PADI2: variants seen among roughly 807,000 people sequenced by gnomAD.
The protein encoded by PADI2 is protein-arginine deiminase type-2.
Under a neutral mutation model 81.1 loss-of-function variants are expected in PADI2, and 70 were observed. The observed-to-expected ratio is 0.86, with a 90% CI of 0.71 to 1.05. PADI2 has a LOEUF of 1.05. Ranked by LOEUF, PADI2 falls within the 50% of genes least tolerant of loss-of-function variation. The pLI, the probability that PADI2 is intolerant of heterozygous loss-of-function variation, is 0.00. For synonymous variants in PADI2, 338 were observed against 358.0 expected (o/e 0.94, Z 0.63); for missense variants, 853 against 889.9 (o/e 0.96, Z 0.53).
rs569395943 is a variant in PADI2 at position 17,114,708 on chromosome 1, T to C, written c.92+4572A>G. On this transcript the variant is annotated intron_variant, in intron 1 of 15. Transcript: ENST00000375486. ...GGACTCAGGGTAGGGCACCACGACA[T>C]GGGGTAGTCAAAGAAAGCTTCCTGG... Among the ~76,000 whole-genome samples, 8 of 150,742 alleles carry C rather than the reference T, an allele frequency of 5.3e-5. No individual in the cohort carries two copies. In the South Asian group the frequency reaches 1.7e-3, roughly 31 times the overall value.
At position 17,069,191 on chromosome 1, in the gene PADI2, G is replaced by A. The variant is rs372165759; in HGVS notation, c.1851C>T (p.His617=). The change falls in exon 16 of 16, where the codon CAC becomes CAT. Residue 617 remains histidine, a synonymous_variant. Transcript: ENST00000375486. ...CCAGGGGCTCCAGGAGGCCACGCACGTGCATCTCCAGGCAGCATTCCTCCT... is the reference window on the plus strand; with the variant it reads ...CCAGGGGCTCCAGGAGGCCACGCACATGCATCTCCAGGCAGCATTCCTCCT... ...QVEEECCLEM[H]VRGLLEPLGL... 114 of 1,614,218 alleles carry A rather than the reference G, an allele frequency of 7.1e-5. 1 individual carries two copies. The African/African-American group carries it at 1.1e-3, about 15-fold the overall frequency.
At chr1:17,104,246 CAT>C (rs2101604973) in intron 2 of PADI2, among the ~76,000 whole-genome samples, 1 of 151,244 alleles carries the variant, frequency 6.6e-6, no homozygotes, top group Non-Finnish European at 1.5e-5. Flanking sequence ...GCCGAGATCG[CAT>C]CACTGCACTC....
chr1:17,086,780 A>C lies in PADI2; in HGVS notation c.656-81T>G, dbSNP rs889899155. On this transcript the variant is annotated intron_variant, in intron 6 of 15. Coordinates refer to ENST00000375486, the MANE Select transcript of PADI2 (RefSeq NM_007365.3). ...GGGTGGGATCACCGATGGGGACAAA[A>C]GGGCAAAGTAACTTGTCCTCTAGAC... 6 of 1,190,044 alleles carry C rather than the reference A, an allele frequency of 5.0e-6. No individual in the cohort carries two copies. The African/African-American group carries it at 9.1e-5, about 18-fold the overall frequency. The allele number at this position is 1,190,044 out of a possible 1,614,324, so 73.7% of individuals were successfully genotyped here.
intron 9 of PADI2, 47 bp from the exon 10 acceptor site, chr1:17,082,699 T>G: frequency 1.7e-6 from 2 of 1,153,824 alleles, no homozygotes; most frequent in Non-Finnish European, 1.3e-6. Flanking sequence ...AGGGGACAAT[T>G]TGTGCACATG....
chr1:17,069,289 G>C lies in PADI2; in HGVS notation c.1765-12C>G. On this transcript the variant is annotated splice_polypyrimidine_tract_variant and intron_variant, in intron 15 of 15. Transcript: ENST00000375486. ...ACGATCATGTTCACCTGTGACGGGGGATTGCGATGGCAACAGCTTCCATTT... is the reference window on the plus strand; with the variant it reads ...ACGATCATGTTCACCTGTGACGGGGCATTGCGATGGCAACAGCTTCCATTT... 1.2e-6 allele frequency: 2 copies of C among 1,602,350 alleles called. No individual in the cohort carries two copies. The highest frequency in any genetic ancestry group is 1.7e-6 in the Non-Finnish European group (2 of 1,169,300).
chr1:17,109,410 A>G (rs911783093), intron 1 of PADI2, among the ~76,000 whole-genome samples: 1 of 150,386 alleles, frequency 6.6e-6, no homozygotes, highest in African/African-American at 2.4e-5. Context: ...AAAAAAAAAA[A>G]AAAAAAGCTT....
chr1:17,086,267 T>G (rs184570806), intron 7 of PADI2, among the ~76,000 whole-genome samples: 32 of 151,866 alleles, frequency 2.1e-4, no homozygotes, highest in Non-Finnish European at 2.9e-5. Context: ...AGGCGTGGAG[T>G]GTGTCAGGAA....
chr1:17,084,456 T>A (rs2078370162), intron 8 of PADI2, 143 bp downstream of exon 8: 1 of 580,186 alleles, frequency 1.7e-6, no homozygotes, highest in African/African-American at 1.9e-5. Flanking sequence ...GACTCTACGA[T>A]GTGGGCATTT....
chr1:17,093,612 A>G lies in PADI2; in HGVS notation c.484T>C (p.Leu162=), dbSNP rs2101594487. ...TCATCACGGCAGTCCTCCTTGGGCA[A>G]CCAGGGTGTCTCTCGGTCACAGTTC... ...LVNCDRETPW[L]PKEDCRDEKV... Residue 162 remains leucine, a synonymous_variant, in exon 5 of 16, where the codon TTG becomes CTG. Coordinates refer to ENST00000375486, the MANE Select transcript of PADI2 (RefSeq NM_007365.3). The G allele has an allele frequency of 6.2e-7, 1 of 1,614,004 alleles. No homozygotes were observed. Among genetic ancestry groups the G allele is most frequent in the Non-Finnish European group, 8.5e-7 (1 of 1,179,942 alleles).
At chr1:17,113,562 G>T (rs1298446154) in intron 1 of PADI2, among the ~76,000 whole-genome samples, 1 of 152,216 alleles carries the variant, frequency 6.6e-6, no homozygotes, top group East Asian at 1.9e-4. Context: ...TTCAAAGTCT[G>T]GAGTCTTTCC....
chr1:17,096,889 A>C (rs1483122725), intron 3 of PADI2, among the ~76,000 whole-genome samples: 1 of 151,950 alleles, frequency 6.6e-6, no homozygotes, highest in Non-Finnish European at 1.5e-5. Context: ...GAGCCAAATA[A>C]CTCTTTGTGT....
intron 11 of PADI2, among the ~76,000 whole-genome samples, chr1:17,077,555 T>C (rs536076924): frequency 3.3e-5 from 5 of 152,202 alleles, no homozygotes; most frequent in African/African-American, 1.2e-4. Context: ...GCCTGAGACC[T>C]CTGCTATCTC....
rs767668715 is a variant in PADI2 at position 17,115,176 on chromosome 1, C to A, written c.92+4104G>T. Reference sequence around the variant, plus strand: ...CTATCTTCTGCCAGCGAGTTATGGGCAAATTATTACTATTTACTTGATATT... The same window carrying A: ...CTATCTTCTGCCAGCGAGTTATGGGAAAATTATTACTATTTACTTGATATT... On this transcript the variant is annotated intron_variant, in intron 1 of 15. Coordinates refer to ENST00000375486, the MANE Select transcript of PADI2 (RefSeq NM_007365.3). The surrounding 1 kb of genome is among the most constrained non-coding windows in gnomAD (Gnocchi z 4.1). Among the ~76,000 whole-genome samples the A allele has an allele frequency of 6.6e-6, 1 of 152,224 alleles. No homozygotes were observed. The highest frequency in any genetic ancestry group is 1.5e-5 in the Non-Finnish European group (1 of 68,032).
chr1:17,075,032 G>T, intron 12 of PADI2, 83 bp from the exon 13 acceptor site: 1 of 794,530 alleles, frequency 1.3e-6, no homozygotes, highest in Non-Finnish European at 2.1e-6. Flanking sequence ...TGAGGACCCA[G>T]TGCCTTGCCT....
chr1:17,100,045 T>TGG (rs55943567), intron 3 of PADI2, among the ~76,000 whole-genome samples: 1,834 of 150,362 alleles, frequency 0.012, 29 homozygotes, highest in African/African-American at 0.038. Flanking sequence ...ATATTGGGGT[T>TGG]GGGGGGGGGC....
chr1:17,117,079 G>A (rs566158955), intron 1 of PADI2, among the ~76,000 whole-genome samples: 3 of 152,242 alleles, frequency 2.0e-5, no homozygotes, highest in East Asian at 1.9e-4. Flanking sequence ...TAAACATCCC[G>A]CTACAACAAA....
chr1:17,078,810 C>G (rs2078323076), intron 11 of PADI2, among the ~76,000 whole-genome samples: 1 of 152,204 alleles, frequency 6.6e-6, no homozygotes, highest in Non-Finnish European at 1.5e-5. Flanking sequence ...ATCCTCTCAT[C>G]TCAGCTTCCT....
chr1:17,092,239 C>T (rs1431832222), intron 6 of PADI2, among the ~76,000 whole-genome samples, 169 bp downstream of exon 6: 2 of 151,996 alleles, frequency 1.3e-5, no homozygotes, highest in Non-Finnish European at 2.9e-5. Context: ...GCGATGTGTC[C>T]CCATGGAGTC....
At chr1:17,110,211 T>C (rs1441665310) in intron 1 of PADI2, among the ~76,000 whole-genome samples, 1 of 151,858 alleles carries the variant, frequency 6.6e-6, no homozygotes, top group Non-Finnish European at 1.5e-5. Flanking sequence ...GGATTGTCCC[T>C]GGAGGCTGCA....
Sources: gnomAD v4.1 joint callset for allele counts (sites outside exome capture counted in the v4.1 genomes callset) on GRCh38, gnomAD v4.1.1 for gene constraint, Gnocchi (gnomAD v3.1) non-coding constraint, MANE v1.5 for transcripts, NCBI Gene and HGNC (gene_info 2026-07-23, HGNC 2026-07-21) for gene names.